The following SPTBN4 variants were observed in gnomAD, a reference collection of about 807,000 sequenced individuals.
SPTBN4 encodes spectrin beta, non-erythrocytic 4, also known as spectrin beta chain, non-erythrocytic 4.
SPTBN4 carries 96 observed loss-of-function variants against 277.8 expected under a neutral mutation model. That is an observed-to-expected ratio of 0.35 (90% CI 0.29 to 0.41). The LOEUF is 0.41. Among genes scored for constraint, SPTBN4 ranks in the 10% least tolerant of loss-of-function variants. The pLI is 1.00. For missense variants in SPTBN4, 3,006 were observed against 3,595.7 expected, an observed-to-expected ratio of 0.84 and a Z score of 4.19; for synonymous variants, 1,481 against 1,580.3, an observed-to-expected ratio of 0.94 and a Z score of 1.49.
At chr19:40,478,184 G>T (rs1395556214) in intron 2 of SPTBN4, among the ~76,000 whole-genome samples, 1 of 152,126 alleles carries the variant, frequency 6.6e-6, no homozygotes, top group African/African-American at 2.4e-5. Flanking sequence ...GGGAGCTATG[G>T]AAAGATTTTA....
At chr19:40,474,151 C>CAAAAA (rs71173641) in intron 2 of SPTBN4, among the ~76,000 whole-genome samples, 1 of 34,474 alleles carries the variant, frequency 2.9e-5, no homozygotes, top group African/African-American at 1.3e-4. Flanking sequence ...GAACCTATCT[C>CAAAAA]AAAAAAAAAA....
rs868495888 is a variant in SPTBN4, at chr19:40,502,206, C to T, written c.976C>T (p.His326Tyr). The stretch of plus-strand genomic sequence containing the variant: ...GGCGGCTGAGCTGCTGGCCTGGATC[C>T]ACCGCACCGTGGGCCTCATCAGCAA... ...ELAAELLAWI[H>Y]RTVGLISNQK... Residue 326 changes from histidine to tyrosine, a missense_variant, in exon 9 of 36, where the codon CAC (histidine) becomes TAC (tyrosine). His to Tyr is a moderately conservative substitution (Grantham distance 83, BLOSUM62 2). Around this residue, in one of 5 missense-constraint regions of SPTBN4, gnomAD observed 1,759 missense variants for 2,061.5 expected, o/e 0.85. Coordinates refer to ENST00000598249, the MANE Select transcript of SPTBN4 (RefSeq NM_020971.3). The surrounding 1 kb of genome is among the most constrained non-coding windows in gnomAD (Gnocchi z 4.9). 5 of 1,614,058 alleles carry T rather than the reference C, an allele frequency of 3.1e-6. No individual in the cohort carries two copies. The highest frequency in any genetic ancestry group is 4.2e-6 in the Non-Finnish European group (5 of 1,180,024).
At chr19:40,552,115 C>T (rs1599797901) in intron 22 of SPTBN4, among the ~76,000 whole-genome samples, 1 of 150,804 alleles carries the variant, frequency 6.6e-6, no homozygotes, top group East Asian at 2.0e-4. Flanking sequence ...GTCAGGAGTT[C>T]GAGACCAGCC....
intron 11 of SPTBN4, 98 bp downstream of exon 11, chr19:40,503,031 G>A: frequency 6.9e-7 from 1 of 1,447,848 alleles, no homozygotes; most frequent in East Asian, 2.3e-5. Context: ...AGGCAACAGG[G>A]AAGAGTTAGA....
At chr19:40,568,524 A>G (rs1164114528) in intron 31 of SPTBN4, among the ~76,000 whole-genome samples, 1 of 152,190 alleles carries the variant, frequency 6.6e-6, no homozygotes, top group Non-Finnish European at 1.5e-5. Context: ...CTCCAGACGT[A>G]GGTTCTCGGC....
At chr19:40,509,934 C>T (rs554730357) in intron 13 of SPTBN4, among the ~76,000 whole-genome samples, 1 of 152,268 alleles carries the variant, frequency 6.6e-6, no homozygotes, top group East Asian at 1.9e-4. Flanking sequence ...GTTGTTGGGA[C>T]CCTCTCCTTC....
At chr19:40,484,189 C>T (rs567583870) in intron 2 of SPTBN4, among the ~76,000 whole-genome samples, 1 of 151,950 alleles carries the variant, frequency 6.6e-6, no homozygotes, top group Non-Finnish European at 1.5e-5. Context: ...ATATTTTGTA[C>T]CCATTAACCA....
At chr19:40,571,276 C>T (rs1321549275) in intron 33 of SPTBN4, among the ~76,000 whole-genome samples, 1 of 151,984 alleles carries the variant, frequency 6.6e-6, no homozygotes, top group African/African-American at 2.4e-5. Context: ...GGTCCGAAAA[C>T]GGGCAGAGCC....
intron 13 of SPTBN4, 108 bp from the exon 14 acceptor site, chr19:40,512,498 G>C: frequency 1.5e-6 from 2 of 1,343,102 alleles, no homozygotes; most frequent in Non-Finnish European, 9.7e-7. Context: ...ACGTGACCCG[G>C]CATCTGATGA....
intron 7 of SPTBN4, among the ~76,000 whole-genome samples, chr19:40,498,695 T>C (rs919241245): frequency 2.0e-5 from 3 of 150,988 alleles, no homozygotes; most frequent in Admixed American, 1.3e-4. Context: ...TGAGCCACCA[T>C]GCCCGGCCTA....
Position 40,560,750 on chromosome 19 carries a change from C to G in SPTBN4, c.5915+347C>G, listed in dbSNP as rs1443567614. 2 of 1,326,136 alleles carry G rather than the reference C, an allele frequency of 1.5e-6. No individual in the cohort carries two copies. The highest frequency in any genetic ancestry group is 3.0e-5 in the African/African-American group (2 of 67,666). The allele number at this position is 1,326,136 out of a possible 1,614,324, so 82.1% of individuals were successfully genotyped here. On this transcript the variant is annotated intron_variant, in intron 27 of 35. Coordinates refer to ENST00000598249, the MANE Select transcript of SPTBN4 (RefSeq NM_020971.3). This position sits in a 1 kb window ranked among gnomAD's most constrained non-coding sequence, Gnocchi z 5.2. ...GGGTGGGTGAAGAATTCTAACAATT[C>G]CAGCATCTCAGTGGCTTCATTAGTG... is the stretch of plus-strand genomic sequence containing the variant.
chr19:40,574,596 A>T (rs1015103321), intron 35 of SPTBN4, among the ~76,000 whole-genome samples: 1 of 152,052 alleles, frequency 6.6e-6, no homozygotes, highest in Non-Finnish European at 1.5e-5. Context: ...TCCTGACCTC[A>T]GGTGATCCAC....
chr19:40,573,593 G>A (rs1284265842), intron 35 of SPTBN4, among the ~76,000 whole-genome samples: 1 of 152,244 alleles, frequency 6.6e-6, no homozygotes. Context: ...CACTTCGGGA[G>A]GCCGAGGCGG....
chr19:40,538,876 C>A (rs918966146), intron 20 of SPTBN4, among the ~76,000 whole-genome samples: 6 of 152,196 alleles, frequency 3.9e-5, no homozygotes, highest in African/African-American at 1.2e-4. Context: ...AGGGGTGAAG[C>A]ACTGCCCCTG....
At chr19:40,510,164 TC>T (rs2080375138) in intron 13 of SPTBN4, among the ~76,000 whole-genome samples, 1 of 152,072 alleles carries the variant, frequency 6.6e-6, no homozygotes, top group Admixed American at 6.6e-5. Flanking sequence ...CCTAGGGCAA[TC>T]CTTCCCCTCT....
chr19:40,530,547 C>G, intron 18 of SPTBN4: 1 of 980,734 alleles, frequency 1.0e-6, no homozygotes, highest in Non-Finnish European at 1.2e-6. Context: ...GAGCACCCGC[C>G]CGCCCGCTGC....
At position 40,504,142 on chromosome 19, in the gene SPTBN4, G is replaced by GGT. The variant is rs1886456514; in HGVS notation, c.1665+11_1665+12insTG. 1 of 1,279,008 alleles carries GGT rather than the reference G, an allele frequency of 7.8e-7. No individual in the cohort carries two copies. Among genetic ancestry groups the GGT allele is most frequent in the Non-Finnish European group, 1.1e-6 (1 of 907,646 alleles). 79.2% of individuals were successfully genotyped at this position (1,279,008 alleles called of 1,614,324 possible). On this transcript the variant is annotated intron_variant, in intron 12 of 35. Transcript: ENST00000598249. ...GATGGAGGAGATGCAGGTGCCGGCG[G>GGT]GGGGGCGGGGATGCGGGTGGAGTGC...
At chr19:40,494,521 C>G (rs1329689878) in intron 5 of SPTBN4, among the ~76,000 whole-genome samples, 1 of 151,264 alleles carries the variant, frequency 6.6e-6, no homozygotes, top group Non-Finnish European at 1.5e-5. Context: ...TATCTATCAT[C>G]TATCAACCTA....
At chr19:40,524,260 T>G (rs1305978857) in intron 17 of SPTBN4, among the ~76,000 whole-genome samples, 1 of 151,828 alleles carries the variant, frequency 6.6e-6, no homozygotes, top group African/African-American at 2.4e-5. Flanking sequence ...ATCCCAGCAC[T>G]TCGGTAGGCT....
Sources: allele counts gnomAD v4.1 joint callset (sites outside exome capture counted in the v4.1 genomes callset), GRCh38; gene constraint gnomAD v4.1.1; regional missense constraint gnomAD v4.1.1; non-coding constraint Gnocchi (gnomAD v3.1); transcripts MANE v1.5; gene names NCBI Gene and HGNC (gene_info 2026-07-23, HGNC 2026-07-21).